Variants in TRIP13 observed in about 807,000 individuals in gnomAD.
The protein encoded by TRIP13 is thyroid hormone receptor interactor 13.
A neutral mutation model predicts 54.4 loss-of-function variants in TRIP13; 25 were observed. That is an observed-to-expected ratio of 0.46 (90% confidence interval 0.33 to 0.64). The LOEUF (loss-of-function observed/expected upper bound fraction) is 0.64. Ranked by LOEUF, TRIP13 falls within the 30% of genes least tolerant of loss-of-function variation. The pLI is 0.02. For synonymous variants in TRIP13, 207 were observed against 207.8 expected, an observed-to-expected ratio of 1.00 and a Z score of 0.03; for missense variants, 373 against 534.2, an observed-to-expected ratio of 0.70 and a Z score of 2.97.
intron 5 of TRIP13, among the ~76,000 whole-genome samples, chr5:903,074 G>A (rs1360150871): frequency 1.3e-5 from 2 of 152,138 alleles, no homozygotes; most frequent in East Asian, 1.9e-4. Flanking sequence ...GACTGCGGGC[G>A]GGTCTGACTA....
rs529734171 is a variant in TRIP13 at position 911,294 on chromosome 5, G to A, written c.867-549G>A. ...GCGAAAGTGAGATCCTTGCTAGGCC[G>A]GGCGCGGTGGCTTACGCCTGTAATC... On this transcript the variant is annotated intron_variant, in intron 9 of 12. Transcript: ENST00000166345. This position sits in a 1 kb window ranked among gnomAD's most constrained non-coding sequence, Gnocchi z 4.7. Among the ~76,000 whole-genome samples, 5 of 152,294 alleles carry A rather than the reference G, an allele frequency of 3.3e-5. No individual in the cohort carries two copies. In the South Asian group the frequency reaches 8.3e-4, roughly 25 times the overall value.
intron 5 of TRIP13, among the ~76,000 whole-genome samples, chr5:903,325 A>G (rs1002339387): frequency 2.0e-5 from 3 of 152,068 alleles, no homozygotes; most frequent in Non-Finnish European, 2.9e-5. Flanking sequence ...CTTGTCTTCT[A>G]GTCACTTCTC....
intron 1 of TRIP13, 138 bp downstream of exon 1, chr5:893,228 G>A (rs1003448260): frequency 2.3e-6 from 2 of 880,396 alleles, no homozygotes; most frequent in Non-Finnish European, 3.4e-6. Flanking sequence ...CTGGACCCGG[G>A]CGCACAGGCC....
chr5:915,887 G>C lies in TRIP13; in HGVS notation c.1134-17G>C. The C allele has an allele frequency of 6.2e-7, 1 of 1,613,962 alleles. No individual in the cohort carries two copies. The highest frequency in any genetic ancestry group is 8.5e-7 in the Non-Finnish European group (1 of 1,179,850). ...TTGTATAAATTGCTGTCTCTGAACT[G>C]GGTTTTCTTTACACAGGAAGAGCGA... On this transcript the variant is annotated splice_polypyrimidine_tract_variant and intron_variant, in intron 11 of 12. Transcript: ENST00000166345. The surrounding 1 kb of genome is among the most constrained non-coding windows in gnomAD (Gnocchi z 4.2).
intron 4 of TRIP13, among the ~76,000 whole-genome samples, chr5:900,985 C>A (rs1362162599): frequency 6.6e-6 from 1 of 152,174 alleles, no homozygotes; most frequent in Non-Finnish European, 1.5e-5. Context: ...TGCATTGTGG[C>A]TGTTGTTATT....
intron 5 of TRIP13, among the ~76,000 whole-genome samples, chr5:903,843 T>C (rs1456441751): frequency 1.3e-5 from 2 of 152,058 alleles, no homozygotes; most frequent in Admixed American, 6.5e-5. Flanking sequence ...GAAAATGCAA[T>C]GTTCATTCCC....
intron 3 of TRIP13, 77 bp downstream of exon 3, chr5:896,871 G>T (rs1216723241): frequency 5.5e-6 from 8 of 1,464,500 alleles, no homozygotes; most frequent in South Asian, 1.4e-5. Flanking sequence ...AGTTCACAGG[G>T]GGGGTTCTGT....
intron 9 of TRIP13, among the ~76,000 whole-genome samples, chr5:910,522 C>T (rs1380472510): frequency 6.6e-6 from 1 of 151,956 alleles, no homozygotes; most frequent in Non-Finnish European, 1.5e-5. Context: ...CCTGGGATTC[C>T]ACACGACGCT....
Position 907,714 on chromosome 5 carries a change from C to T in TRIP13, c.673-274C>T, listed in dbSNP as rs1754144786. On this transcript the variant is annotated intron_variant, in intron 7 of 12. Transcript: ENST00000166345. The surrounding 1 kb of genome is among the most constrained non-coding windows in gnomAD (Gnocchi z 4.1). ...CATCAGAGAGGACACACAGGTAAAG[C>T]AGAGGTACAGGTCACCCTCACTGTG... Among the ~76,000 whole-genome samples the T allele has an allele frequency of 6.6e-6, 1 of 152,236 alleles. No homozygotes were observed. Among genetic ancestry groups the T allele is most frequent in the African/African-American group, 2.4e-5 (1 of 41,460 alleles).
chr5:908,183 C>G lies in TRIP13; in HGVS notation c.759+109C>G, dbSNP rs1466195376. The G allele has an allele frequency of 1.4e-6, 2 of 1,427,130 alleles. No homozygotes were observed. The highest frequency in any genetic ancestry group is 2.8e-5 in the African/African-American group (2 of 71,252). 88.4% of individuals were successfully genotyped at this position (1,427,130 alleles called of 1,614,324 possible). On this transcript the variant is annotated intron_variant, in intron 8 of 12. Coordinates refer to ENST00000166345, the MANE Select transcript of TRIP13 (RefSeq NM_004237.4). The surrounding 1 kb of genome is among the most constrained non-coding windows in gnomAD (Gnocchi z 5.2). ...TTTCCCCTCCTACAGCCGGGCTGCC[C>G]TCTATCCCTCCCTGCACTGTGCGCC...
chr5:896,533 C>G, intron 2 of TRIP13, 132 bp from the exon 3 acceptor site: 1 of 927,380 alleles, frequency 1.1e-6, no homozygotes, highest in South Asian at 2.3e-5. Flanking sequence ...GCCTTCTCAT[C>G]TAATCTGAGA....
At chr5:903,131 C>T (rs1334451415) in intron 5 of TRIP13, among the ~76,000 whole-genome samples, 1 of 152,032 alleles carries the variant, frequency 6.6e-6, no homozygotes, top group South Asian at 2.1e-4. Context: ...CTTCTCTAAA[C>T]TCCCCGGGGG....
rs547578811 is a variant in TRIP13 at position 904,026 on chromosome 5, A to G, written c.536-122A>G. ...GTTTCTAAGCAGACTTCATTGTAGTAATAACATTAATAGCTTTTAACTGTA... is the reference window on the plus strand; with the variant it reads ...GTTTCTAAGCAGACTTCATTGTAGTGATAACATTAATAGCTTTTAACTGTA... On this transcript the variant is annotated intron_variant, in intron 5 of 12. Coordinates refer to ENST00000166345, the MANE Select transcript of TRIP13 (RefSeq NM_004237.4). The G allele has an allele frequency of 3.5e-5, 29 of 817,274 alleles. 1 individual carries two copies. The highest frequency in any genetic ancestry group is 4.7e-4 in the Middle Eastern group (2 of 4,258). The allele number at this position is 817,274 out of a possible 1,614,324, so 50.6% of individuals were successfully genotyped here.
Position 912,541 on chromosome 5 carries a change from G to A in TRIP13, c.1020+545G>A, listed in dbSNP as rs1401884906. Among the ~76,000 whole-genome samples, 2 of 150,456 alleles carry A rather than the reference G, an allele frequency of 1.3e-5. No individual in the cohort carries two copies. Among genetic ancestry groups the A allele is most frequent in the Non-Finnish European group, 3.0e-5 (2 of 67,618 alleles). ...AGGCCGTCGCCACGGGCAGAGCGACGCGTGCGGGGAGCGTGTGTGAGTCAG... is the reference window on the plus strand; with the variant it reads ...AGGCCGTCGCCACGGGCAGAGCGACACGTGCGGGGAGCGTGTGTGAGTCAG... On this transcript the variant is annotated intron_variant, in intron 10 of 12. Coordinates refer to ENST00000166345, the MANE Select transcript of TRIP13 (RefSeq NM_004237.4). The surrounding 1 kb of genome is among the most constrained non-coding windows in gnomAD (Gnocchi z 7.2).
chr5:903,200 G>T (rs554907334), intron 5 of TRIP13, among the ~76,000 whole-genome samples: 3 of 152,042 alleles, frequency 2.0e-5, no homozygotes, highest in Non-Finnish European at 4.4e-5. Context: ...TGACACTGAC[G>T]CTACCATTAG....
chr5:918,594 G>A (rs1343686032), downstream of TRIP13, among the ~76,000 whole-genome samples: 1 of 152,190 alleles, frequency 6.6e-6, no homozygotes, highest in African/African-American at 2.4e-5. The surrounding 1 kb of genome is among the most constrained non-coding windows in gnomAD (Gnocchi z 4.3). Flanking sequence ...GGGTTCTCTA[G>A]AGGGACAGAA....
intron 6 of TRIP13, among the ~76,000 whole-genome samples, chr5:906,483 A>G (rs1754117931): frequency 6.6e-6 from 1 of 152,106 alleles, no homozygotes; most frequent in African/African-American, 2.4e-5. Flanking sequence ...TCTCTTTTTT[A>G]CGTGGAATGC....
chr5:896,620 G>T, intron 2 of TRIP13, 45 bp from the exon 3 acceptor site: 1 of 1,581,364 alleles, frequency 6.3e-7, no homozygotes, highest in South Asian at 1.2e-5. Flanking sequence ...GCAGTTAAGT[G>T]AGAGTTGGAA....
chr5:904,313 T>C (rs1754061625), intron 6 of TRIP13, 93 bp downstream of exon 6: 2 of 1,040,150 alleles, frequency 1.9e-6, no homozygotes, highest in East Asian at 2.5e-5. Context: ...TTTACGCAAA[T>C]AATAGATTCC....
Sources: gnomAD v4.1 joint callset for allele counts (sites outside exome capture counted in the v4.1 genomes callset) on GRCh38, gnomAD v4.1.1 for gene constraint, Gnocchi (gnomAD v3.1) non-coding constraint, MANE v1.5 for transcripts, NCBI Gene and HGNC (gene_info 2026-07-23, HGNC 2026-07-21) for gene names.